VPS26C: variants seen among roughly 807,000 people sequenced by gnomAD.
VPS26C encodes the protein vacuolar protein sorting-associated protein 26C.
VPS26C carries 19 observed loss-of-function variants against 30.6 expected under a neutral mutation model. The ratio of observed to expected loss-of-function variants is 0.62; its 90% CI spans 0.43 to 0.91. The LOEUF (loss-of-function observed/expected upper bound fraction) is 0.91, where lower values mean the gene tolerates loss of function less well. VPS26C is among the 40% of genes least tolerant of loss of function. The pLI is 0.00. For missense variants in VPS26C, 318 were observed against 385.1 expected (o/e 0.83, Z 1.46); for synonymous variants, 132 against 151.5 (o/e 0.87, Z 0.95).
chr21:37,227,901 C>T, intron 6 of VPS26C, 95 bp from the exon 7 acceptor site: 2 of 1,496,668 alleles, frequency 1.3e-6, no homozygotes, highest in Non-Finnish European at 1.8e-6. Flanking sequence ...CTCCAAGAAT[C>T]CTCCAGGGTC....
chr21:37,230,788 G>A (rs368986724), intron 5 of VPS26C: 6 of 152,372 alleles, frequency 3.9e-5, no homozygotes, highest in African/African-American at 9.6e-5. Flanking sequence ...TGCTCGCAGG[G>A]CGTGTGGTCA....
Position 37,232,366 on chromosome 21 carries a change from G to A in VPS26C, c.507+11C>T. The A allele has an allele frequency of 6.2e-7, 1 of 1,613,332 alleles. No homozygotes were observed. Among genetic ancestry groups the A allele is most frequent in the Non-Finnish European group, 8.5e-7 (1 of 1,179,354 alleles). On this transcript the variant is annotated intron_variant, in intron 5 of 7. Transcript: ENST00000309117. ...GATACCCACGGCATTCGCCTGTGCA[G>A]GACGTCTTACCTCTTTGACGTTCTG...
intron 1 of VPS26C, among the ~76,000 whole-genome samples, chr21:37,263,839 C>T (rs1018857108): frequency 1.3e-5 from 2 of 152,086 alleles, no homozygotes; most frequent in Non-Finnish European, 2.9e-5. Context: ...TTGAGATGTA[C>T]GGAGAAAAGA....
upstream of VPS26C, chr21:37,267,610 C>A: frequency 2.5e-6 from 1 of 396,842 alleles, no homozygotes. Context: ...GGAAATGCTC[C>A]TTTGCTGTCC....
chr21:37,227,844 C>T lies in VPS26C; in HGVS notation c.659-38G>A, dbSNP rs551125311. On this transcript the variant is annotated intron_variant, in intron 6 of 7. Transcript: ENST00000309117. ...GGCCACATCACGCGGTCAGGGCCAG[C>T]AGAGGCTGCGGGGTCCACATCCGCA... 95 of 1,465,328 alleles carry T rather than the reference C, an allele frequency of 6.5e-5. No individual in the cohort carries two copies. The East Asian group carries it at 2.4e-3, about 36-fold the overall frequency. 90.8% of individuals were successfully genotyped at this position (1,465,328 alleles called of 1,614,324 possible). A position where few individuals can be genotyped will look rare whatever the true frequency, so the allele number is the denominator to read the frequency against.
intron 1 of VPS26C, among the ~76,000 whole-genome samples, chr21:37,246,274 A>C (rs1374069270): frequency 1.3e-5 from 2 of 152,142 alleles, no homozygotes; most frequent in African/African-American, 4.8e-5. Context: ...AAAAGAAACC[A>C]TATTTCTCCA....
chr21:37,238,240 T>TA, intron 3 of VPS26C: 1 of 527,384 alleles, frequency 1.9e-6, no homozygotes, highest in Admixed American at 3.8e-5. Context: ...GAAAAGAAGT[T>TA]ACAGCACGAG....
In VPS26C at chr21:37,233,293, T is replaced by C. The variant is rs1244329832; in HGVS notation, c.432+69A>G. 1.5e-5 allele frequency: 20 copies of C among 1,343,540 alleles called. No individual in the cohort carries two copies. The highest frequency in any genetic ancestry group is 2.0e-5 in the Non-Finnish European group (19 of 935,534). 83.2% of individuals were successfully genotyped at this position (1,343,540 alleles called of 1,614,324 possible). A position where few individuals can be genotyped will look rare whatever the true frequency, so the allele number is the denominator to read the frequency against. ...AGAGGCTAAATGGTGAGCTTGTAAA[T>C]AGGGTAAACTCTCAGACCCCATGGG... On this transcript the variant is annotated intron_variant, in intron 4 of 7. Transcript: ENST00000309117. This position sits in a 1 kb window ranked among gnomAD's most constrained non-coding sequence, Gnocchi z 5.2.
intron 1 of VPS26C, among the ~76,000 whole-genome samples, chr21:37,259,166 T>C (rs76557233): frequency 0.016 from 2,389 of 152,134 alleles, 39 homozygotes; most frequent in African/African-American, 0.043. Context: ...TGATCATTCA[T>C]TTACTAAGAA....
chr21:37,231,175 G>A (rs1269319990), intron 5 of VPS26C, among the ~76,000 whole-genome samples: 2 of 152,078 alleles, frequency 1.3e-5, no homozygotes, highest in Non-Finnish European at 2.9e-5. Flanking sequence ...TGACAACCGA[G>A]GATCAATACA....
intron 3 of VPS26C, chr21:37,238,248 G>A (rs1263610118): frequency 3.7e-6 from 2 of 547,770 alleles, no homozygotes; most frequent in Non-Finnish European, 3.1e-6. Flanking sequence ...GTTACAGCAC[G>A]AGTGCCTTGA....
intron 5 of VPS26C, among the ~76,000 whole-genome samples, chr21:37,231,132 A>T (rs2085958247): frequency 6.6e-6 from 1 of 152,148 alleles, no homozygotes; most frequent in African/African-American, 2.4e-5. Flanking sequence ...CAACACCACC[A>T]CACACATTAG....
intron 7 of VPS26C, chr21:37,227,392 G>A: frequency 2.0e-6 from 1 of 496,896 alleles, no homozygotes; most frequent in Non-Finnish European, 3.7e-6. Flanking sequence ...GTGGGTCTGT[G>A]TGTTTCCCCA....
Position 37,233,153 on chromosome 21 carries a change from C to A in VPS26C, c.432+209G>T. The A allele has an allele frequency of 1.9e-6, 1 of 529,084 alleles. No individual in the cohort carries two copies. The highest frequency in any genetic ancestry group is 3.4e-6 in the Non-Finnish European group (1 of 292,910). 32.8% of individuals were successfully genotyped at this position (529,084 alleles called of 1,614,324 possible). ...GCCGACGTGGAGTCCCTCTGGCCCG[C>A]GGCCTCAGCTGGGGGACTCTGGGCC... On this transcript the variant is annotated intron_variant, in intron 4 of 7. Transcript: ENST00000309117. This position sits in a 1 kb window ranked among gnomAD's most constrained non-coding sequence, Gnocchi z 5.2.
chr21:37,240,761 C>T, intron 1 of VPS26C, 122 bp from the exon 2 acceptor site: 1 of 1,311,916 alleles, frequency 7.6e-7, no homozygotes. Flanking sequence ...TTCACTGAGA[C>T]ACCTGGATAC....
chr21:37,241,409 C>A (rs550529435), intron 1 of VPS26C, among the ~76,000 whole-genome samples: 15 of 152,286 alleles, frequency 9.8e-5, no homozygotes, highest in African/African-American at 3.6e-4. Flanking sequence ...TTCTTCCTGT[C>A]ACCATAGAAC....
At chr21:37,228,508 G>A (rs1041009012) in intron 5 of VPS26C, 135 bp from the exon 6 acceptor site, 13 of 914,222 alleles carry the variant, frequency 1.4e-5, no homozygotes, top group Middle Eastern at 2.2e-4. Context: ...CACAAAACGG[G>A]AAGAAAGGAG....
chr21:37,256,176 A>G (rs577523622), intron 1 of VPS26C, among the ~76,000 whole-genome samples: 1 of 152,304 alleles, frequency 6.6e-6, no homozygotes, highest in African/African-American at 2.4e-5. Flanking sequence ...AGAACTTGTA[A>G]GTTTTGACAC....
At chr21:37,239,374 C>T (rs984001872) in intron 2 of VPS26C, among the ~76,000 whole-genome samples, 4 of 152,134 alleles carry the variant, frequency 2.6e-5, no homozygotes, top group African/African-American at 4.8e-5. Flanking sequence ...AAACTTAAAG[C>T]GTTAATATGT....
Sources: gnomAD v4.1 joint callset for allele counts (sites outside exome capture counted in the v4.1 genomes callset) on GRCh38, gnomAD v4.1.1 for gene constraint, Gnocchi (gnomAD v3.1) non-coding constraint, MANE v1.5 for transcripts, NCBI Gene and HGNC (gene_info 2026-07-23, HGNC 2026-07-21) for gene names.